ATP6V1H: variants seen among roughly 807,000 people sequenced by gnomAD.
ATP6V1H encodes the protein V-type proton ATPase subunit H.
Under a neutral mutation model 71.7 loss-of-function variants are expected in ATP6V1H, and 39 were observed. That is an observed-to-expected ratio of 0.54 (90% CI 0.42 to 0.71). The LOEUF (loss-of-function observed/expected upper bound fraction) is 0.71. Among genes scored for constraint, ATP6V1H ranks in the 30% least tolerant of loss-of-function variants. The pLI, the probability that ATP6V1H is intolerant of heterozygous loss-of-function variation, is 0.00. For synonymous variants in ATP6V1H, 192 were observed against 199.3 expected (o/e 0.96, Z 0.31); for missense variants, 509 against 594.9 (o/e 0.86, Z 1.50).
At chr8:53,841,539 CAT>C in intron 2 of ATP6V1H, 37 bp downstream of exon 2, 3 of 1,605,718 alleles carry the variant, frequency 1.9e-6, no homozygotes, top group East Asian at 2.2e-5. Context: ...GATGCAAAAG[CAT>C]ATGACTGTCC....
At chr8:53,813,083 A>G (rs944780671) in intron 6 of ATP6V1H, among the ~76,000 whole-genome samples, 1 of 152,238 alleles carries the variant, frequency 6.6e-6, no homozygotes, top group African/African-American at 2.4e-5. Context: ...TCTGATCCCA[A>G]CCAATATGCT....
Position 53,843,094 on chromosome 8 carries a change from G to T in ATP6V1H, c.-96C>A, listed in dbSNP as rs1811397560. On this transcript the variant is annotated 5_prime_UTR_variant, in exon 1 of 14. Transcript: ENST00000359530. ...GCCGGCAGGGAGGGTGGTCCGGGGC[G>T]CCGGGGACACAGCCGGGCTGGGGCG... 1 of 152,466 alleles carries T rather than the reference G, an allele frequency of 6.6e-6. No individual in the cohort carries two copies. Among genetic ancestry groups the T allele is most frequent in the South Asian group, 2.1e-4 (1 of 4,840 alleles). The allele number at this position is 152,466 out of a possible 1,614,324, so 9.4% of individuals were successfully genotyped here. A position where few individuals can be genotyped will look rare whatever the true frequency, so the allele number is the denominator to read the frequency against.
chr8:53,817,312 C>T (rs756424469), intron 5 of ATP6V1H, 105 bp downstream of exon 5: 99 of 636,902 alleles, frequency 1.6e-4, no homozygotes, highest in African/African-American at 1.5e-3. Context: ...CCAAGGCAGG[C>T]GGACTGCTTG....
rs893216330 is a variant in ATP6V1H, at chr8:53,768,683, CA to C, written c.1175+934del. On this transcript the variant is annotated intron_variant, in intron 11 of 13. Coordinates refer to ENST00000359530, the MANE Select transcript of ATP6V1H (RefSeq NM_015941.4). ...TACAGTACATGAAAGAAGCCAGTCA[CA>C]AAAAAAAATCTATTATATGATTCCA... 2.2e-3 allele frequency among the ~76,000 whole-genome samples: 332 copies of C among 150,934 alleles called. 2 individuals carry two copies. Among genetic ancestry groups the C allele is most frequent in the African/African-American group, 7.8e-3 (321 of 41,168 alleles).
chr8:53,816,052 A>G (rs1021976274), intron 5 of ATP6V1H, among the ~76,000 whole-genome samples: 1 of 152,260 alleles, frequency 6.6e-6, no homozygotes, highest in African/African-American at 2.4e-5. Context: ...ACAAGCCTCT[A>G]CAATTTTAAA....
chr8:53,715,979 A>C lies in ATP6V1H; in HGVS notation c.1437T>G (p.Ala479=). The change falls in exon 14 of 14, where the codon GCT becomes GCG. Residue 479 remains alanine (A), a synonymous_variant. Coordinates refer to ENST00000359530, the MANE Select transcript of ATP6V1H (RefSeq NM_015941.4). ...KQLQSEQPQT[A]AARS is the part of the protein sequence containing the mutation. ...AGAGGCAGGCTTAGCTTCGGGCGGC[A>C]GCGGTCTGGGGCTGCTCGGACTGGA... 3.1e-6 allele frequency: 5 copies of C among 1,608,458 alleles called. No individual in the cohort carries two copies. The highest frequency in any genetic ancestry group is 1.3e-5 in the African/African-American group (1 of 75,046).
chr8:53,831,870 A>C (rs888886300), intron 3 of ATP6V1H: 1 of 148,662 alleles, frequency 6.7e-6, no homozygotes, highest in African/African-American at 2.5e-5. Context: ...AAGTACTGGG[A>C]TTACAAGTGT....
chr8:53,756,767 T>C, intron 11 of ATP6V1H, 111 bp from the exon 12 acceptor site: 2 of 648,686 alleles, frequency 3.1e-6, no homozygotes, highest in Admixed American at 2.9e-5. Context: ...TATTAATATA[T>C]TCATATTCTT....
chr8:53,772,271 A>T, intron 9 of ATP6V1H, 104 bp from the exon 10 acceptor site: 1 of 865,922 alleles, frequency 1.2e-6, no homozygotes, highest in Non-Finnish European at 1.7e-6. Context: ...TCCTATTCTC[A>T]AGTTTAACTA....
rs1274986361 is a variant in ATP6V1H, at chr8:53,743,443, T to C, written c.1391+134A>G. 2.3e-5 allele frequency: 14 copies of C among 612,194 alleles called. No individual in the cohort carries two copies. The East Asian group carries it at 4.6e-4, about 20-fold the overall frequency. The allele number at this position is 612,194 out of a possible 1,614,324, so 37.9% of individuals were successfully genotyped here. On this transcript the variant is annotated intron_variant, in intron 13 of 13. Transcript: ENST00000359530. ...GTGTCATTGCTCTGAATTACTAAAA[T>C]ATATTTCTAAATTTTGAATCAAAAT...
At chr8:53,717,853 T>A (rs1263274399) in intron 13 of ATP6V1H, among the ~76,000 whole-genome samples, 1 of 152,238 alleles carries the variant, frequency 6.6e-6, no homozygotes, top group Non-Finnish European at 1.5e-5. Context: ...TCTTCAAATA[T>A]TTCAATTTTA....
At chr8:53,782,970 C>T (rs1809218926) in intron 9 of ATP6V1H, among the ~76,000 whole-genome samples, 1 of 152,146 alleles carries the variant, frequency 6.6e-6, no homozygotes, top group Non-Finnish European at 1.5e-5. Context: ...ATTTTTGCAT[C>T]AATGTTCATC....
intron 7 of ATP6V1H, among the ~76,000 whole-genome samples, chr8:53,810,265 G>A (rs74552125): frequency 0.02 from 3,121 of 152,274 alleles, 49 homozygotes; most frequent in Middle Eastern, 0.034. Flanking sequence ...CTCTCATCAT[G>A]AACATCGTTA....
At chr8:53,788,645 C>G (rs1306572923) in intron 9 of ATP6V1H, among the ~76,000 whole-genome samples, 1 of 152,144 alleles carries the variant, frequency 6.6e-6, no homozygotes, top group Non-Finnish European at 1.5e-5. Flanking sequence ...GTACCATCTA[C>G]CACCTTTCAC....
At chr8:53,752,814 T>C (rs939362776) in intron 12 of ATP6V1H, among the ~76,000 whole-genome samples, 1 of 152,218 alleles carries the variant, frequency 6.6e-6, no homozygotes, top group Non-Finnish European at 1.5e-5. Context: ...CCTCCCAAAG[T>C]GCTGGGATTA....
intron 9 of ATP6V1H, among the ~76,000 whole-genome samples, chr8:53,789,174 C>A (rs1478431044): frequency 6.6e-6 from 1 of 152,178 alleles, no homozygotes; most frequent in Admixed American, 6.5e-5. Context: ...CAACTAATAT[C>A]TCTCTTCTGT....
chr8:53,813,181 T>C (rs1237555961), intron 6 of ATP6V1H, among the ~76,000 whole-genome samples: 3 of 152,186 alleles, frequency 2.0e-5, no homozygotes, highest in Non-Finnish European at 1.5e-5. Flanking sequence ...ACAAACTCAA[T>C]AAAATGGTGG....
chr8:53,763,199 T>C (rs985691810), intron 11 of ATP6V1H, among the ~76,000 whole-genome samples: 1 of 152,148 alleles, frequency 6.6e-6, no homozygotes, highest in African/African-American at 2.4e-5. Context: ...ATTCCTGCAT[T>C]TTCAAGGGCC....
chr8:53,784,897 C>A (rs1031830943), intron 9 of ATP6V1H, among the ~76,000 whole-genome samples: 6 of 151,898 alleles, frequency 4.0e-5, no homozygotes, highest in Admixed American at 1.3e-4. Context: ...GAGTTTCTGC[C>A]GAGAGATCCA....
Sources: gnomAD v4.1 joint callset for allele counts (sites outside exome capture counted in the v4.1 genomes callset) on GRCh38, gnomAD v4.1.1 for gene constraint, MANE v1.5 for transcripts, NCBI Gene and HGNC (gene_info 2026-07-23, HGNC 2026-07-21) for gene names.